BORA: variants seen among roughly 807,000 people sequenced by gnomAD.
BORA encodes the protein protein aurora borealis.
In BORA, 26 loss-of-function variants were observed where a neutral mutation model predicts 55.8. The ratio of observed to expected loss-of-function variants is 0.47; its 90% confidence interval spans 0.34 to 0.65. BORA has a LOEUF of 0.65. BORA is among the 30% of genes least tolerant of loss of function. The pLI, the probability that BORA is intolerant of heterozygous loss-of-function variation, is 0.01. For missense variants in BORA, 568 were observed against 671.5 expected (o/e 0.85, Z 1.70); for synonymous variants, 201 against 216.9 (o/e 0.93, Z 0.64).
intron 3 of BORA, among the ~76,000 whole-genome samples, chr13:72,732,086 T>C (rs2032831646): frequency 6.6e-6 from 1 of 152,208 alleles, no homozygotes. Flanking sequence ...TTTTAATATT[T>C]GAAAAAAATC....
At chr13:72,743,442 G>A in intron 5 of BORA, 95 bp from the exon 6 acceptor site, 1 of 776,230 alleles carries the variant, frequency 1.3e-6, no homozygotes, top group Non-Finnish European at 1.9e-6. Flanking sequence ...TGCAAAATAA[G>A]TTTCCACTTT....
At chr13:72,744,143 G>A (rs1462135459) in intron 6 of BORA, among the ~76,000 whole-genome samples, 2 of 152,194 alleles carry the variant, frequency 1.3e-5, no homozygotes, top group Non-Finnish European at 2.9e-5. Flanking sequence ...AATAGCACTA[G>A]TGTTTTGTTT....
chr13:72,746,866 G>C lies in BORA; in HGVS notation c.1237G>C (p.Ala413Pro). The C allele has an allele frequency of 6.2e-7, 1 of 1,614,178 alleles. No homozygotes were observed. Among genetic ancestry groups the C allele is most frequent in the Admixed American group, 1.7e-5 (1 of 60,014 alleles). The change falls in exon 10 of 12, where the codon GCT becomes CCT. Residue 413 changes from alanine to proline, a missense_variant. Physicochemically the swap from Ala to Pro is conservative, Grantham distance 27 (BLOSUM62 -1). Coordinates refer to ENST00000390667, the MANE Select transcript of BORA (RefSeq NM_024808.5). ...GTCTGTTACACAAAATCAGTCCAGT[G>C]CTTCTGAGAAAGAATTAGCACTGTT... ...AMSVTQNQSS[A>P]SEKELALLQD...
At chr13:72,734,118 T>C (rs1359395433) in intron 3 of BORA, among the ~76,000 whole-genome samples, 1 of 152,122 alleles carries the variant, frequency 6.6e-6, no homozygotes, top group East Asian at 1.9e-4. Context: ...ACCTGGATGA[T>C]TAAATAATCT....
chr13:72,752,325 G>C (rs1213528753), intron 10 of BORA: 3 of 152,166 alleles, frequency 2.0e-5, no homozygotes, highest in Non-Finnish European at 4.4e-5. Context: ...GGATAACAAG[G>C]TATCTGTTGC....
intron 4 of BORA, among the ~76,000 whole-genome samples, chr13:72,736,208 AGAATCCTT>A (rs2032924302): frequency 6.6e-6 from 1 of 152,132 alleles, no homozygotes; most frequent in African/African-American, 2.4e-5. Flanking sequence ...ACTTTCTTTA[AGAATCCTT>A]AATTTTAAAG....
chr13:72,728,545 G>A (rs1041348284), intron 1 of BORA, among the ~76,000 whole-genome samples: 4 of 152,202 alleles, frequency 2.6e-5, no homozygotes, highest in Non-Finnish European at 5.9e-5. Flanking sequence ...GACATGAGAT[G>A]ATGAATTTAA....
At chr13:72,743,309 T>G (rs1383648892) in intron 5 of BORA, among the ~76,000 whole-genome samples, 2 of 152,164 alleles carry the variant, frequency 1.3e-5, no homozygotes, top group Non-Finnish European at 2.9e-5. Context: ...AAAAAAATAT[T>G]GCTTGGTGAC....
intron 4 of BORA, among the ~76,000 whole-genome samples, chr13:72,737,283 A>G (rs1301233668): frequency 2.0e-5 from 3 of 152,144 alleles, no homozygotes; most frequent in Non-Finnish European, 2.9e-5. Context: ...AAGTACTCCA[A>G]CCATGGCCAG....
Position 72,746,612 on chromosome 13 carries a change from A to G in BORA, c.983A>G (p.Lys328Arg), listed in dbSNP as rs1322203011. ...SPYIDGCSPIKNWSPMRLQMY... is the reference protein window; with the variant it reads ...SPYIDGCSPIRNWSPMRLQMY... ...TATATAGATGGCTGCTCGCCAATTA[A>G]AAATTGGTCTCCTATGAGACTTCAG... The change falls in exon 10 of 12, where the codon AAA (lysine) becomes AGA (arginine). Residue 328 changes from lysine to arginine, a missense_variant. Transcript: ENST00000390667. 1 of 1,614,130 alleles carries G rather than the reference A, an allele frequency of 6.2e-7. No individual in the cohort carries two copies. The highest frequency in any genetic ancestry group is 8.5e-7 in the Non-Finnish European group (1 of 1,180,000).
At chr13:72,746,385 C>A in intron 9 of BORA, 116 bp from the exon 10 acceptor site, 1 of 1,235,572 alleles carries the variant, frequency 8.1e-7, no homozygotes, top group Non-Finnish European at 1.1e-6. Context: ...TGGTAAACAA[C>A]ACAACTGTTA....
intron 5 of BORA, among the ~76,000 whole-genome samples, chr13:72,740,325 A>AT (rs796575439): frequency 3.9e-5 from 6 of 152,290 alleles, no homozygotes; most frequent in African/African-American, 1.4e-4. Flanking sequence ...TGCCCCCAGA[A>AT]GCCTCATGTC....
chr13:72,733,463 CT>C (rs2032859787), intron 3 of BORA, among the ~76,000 whole-genome samples: 1 of 152,156 alleles, frequency 6.6e-6, no homozygotes. Context: ...TTCTTAGAAT[CT>C]TGTTTGATCT....
intron 2 of BORA, 87 bp from the exon 3 acceptor site, chr13:72,731,194 C>T: frequency 1.3e-6 from 1 of 758,790 alleles, no homozygotes; most frequent in East Asian, 2.7e-5. Context: ...CATATTATAA[C>T]CATTCATATT....
intron 10 of BORA, chr13:72,753,012 A>G (rs1330733545): frequency 1.3e-5 from 2 of 152,250 alleles, no homozygotes; most frequent in Non-Finnish European, 2.9e-5. Context: ...TGACATTGTG[A>G]AAGTTAAGCT....
chr13:72,744,940 A>G, intron 7 of BORA, 41 bp from the exon 8 acceptor site: 1 of 1,568,420 alleles, frequency 6.4e-7, no homozygotes, highest in Non-Finnish European at 8.7e-7. Flanking sequence ...ATTGCCCTTT[A>G]AAATGACTAG....
chr13:72,731,821 T>C (rs2032824768), intron 3 of BORA, among the ~76,000 whole-genome samples: 1 of 152,252 alleles, frequency 6.6e-6, no homozygotes, highest in Non-Finnish European at 1.5e-5. Context: ...GAGTTACGTA[T>C]GCACTGAATG....
At position 72,729,002 on chromosome 13, in the gene BORA, T is replaced by C; in HGVS notation, c.62T>C (p.Val21Ala). Reference protein sequence around the residue: ...ITPETPGRIPVLNPFESPSDY... With the variant: ...ITPETPGRIPALNPFESPSDY... Reference sequence around the variant, plus strand: ...CCAGAAACTCCAGGAAGGATCCCTGTTTTAAATCCTTTTGAAAGTCCTAGT... The same window carrying C: ...CCAGAAACTCCAGGAAGGATCCCTGCTTTAAATCCTTTTGAAAGTCCTAGT... Residue 21 changes from valine to alanine, a missense_variant, in exon 2 of 12, where the codon GTT becomes GCT. Val to Ala is a moderately conservative substitution (Grantham distance 64). Coordinates refer to ENST00000390667, the MANE Select transcript of BORA (RefSeq NM_024808.5). 1.5e-5 allele frequency: 24 copies of C among 1,609,574 alleles called. No homozygotes were observed. The highest frequency in any genetic ancestry group is 2.2e-5 in the East Asian group (1 of 44,626).
intron 3 of BORA, 60 bp from the exon 4 acceptor site, chr13:72,734,900 T>A: frequency 7.9e-7 from 1 of 1,269,658 alleles, no homozygotes; most frequent in East Asian, 2.4e-5. Flanking sequence ...GGTTATTTTT[T>A]AAAATGTTCA....
Sources: gnomAD v4.1 joint callset for allele counts (sites outside exome capture counted in the v4.1 genomes callset) on GRCh38, gnomAD v4.1.1 for gene constraint, MANE v1.5 for transcripts, NCBI Gene and HGNC (gene_info 2026-07-23, HGNC 2026-07-21) for gene names.